Variants in ADAM15 observed in about 807,000 individuals in gnomAD.
The protein encoded by ADAM15 is disintegrin and metalloproteinase domain-containing protein 15.
A neutral mutation model predicts 113.8 loss-of-function variants in ADAM15; 77 were observed. That is an observed-to-expected ratio of 0.68 (90% CI 0.56 to 0.82). ADAM15 has a LOEUF of 0.82. Ranked by LOEUF, ADAM15 falls within the 40% of genes least tolerant of loss-of-function variation. The pLI is 0.00. For synonymous variants in ADAM15, 388 were observed against 454.1 expected, an observed-to-expected ratio of 0.85 and a Z score of 1.85; for missense variants, 963 against 1,120.1, an observed-to-expected ratio of 0.86 and a Z score of 2.00.
chr1:155,057,454 C>G lies in ADAM15; in HGVS notation c.1323+92C>G, dbSNP rs1661922029. The G allele has an allele frequency of 8.4e-6, 13 of 1,555,758 alleles. No homozygotes were observed. Among genetic ancestry groups the G allele is most frequent in the Non-Finnish European group, 1.1e-5 (13 of 1,140,278 alleles). On this transcript the variant is annotated intron_variant, in intron 12 of 22. Coordinates refer to ENST00000356955, the MANE Select transcript of ADAM15 (RefSeq NM_207197.3). The surrounding 1 kb of genome is among the most constrained non-coding windows in gnomAD (Gnocchi z 5.0). ...TCCCAGCCTCCTGAGCTCTTGGGTT[C>G]TGAAGGGACTTTCCACCCCTCTCCT...
At position 155,058,332 on chromosome 1, in the gene ADAM15, T is replaced by C. The variant is rs776120235; in HGVS notation, c.1808T>C (p.Ile603Thr). The C allele has an allele frequency of 3.7e-5, 60 of 1,613,788 alleles. No homozygotes were observed. Among genetic ancestry groups the C allele is most frequent in the Non-Finnish European group, 5.0e-5 (59 of 1,180,010 alleles). ...GSIRDLLWET[I>T]DVNGTELNCS... The stretch of plus-strand genomic sequence containing the variant: ...ATCCGGGATCTACTCTGGGAGACAA[T>C]AGATGTGAATGGGACTGAGCTGAAC... The change falls in exon 15 of 23, where the codon ATA (isoleucine) becomes ACA (threonine). Residue 603 changes from isoleucine (I) to threonine (T), a missense_variant. Coordinates refer to ENST00000356955, the MANE Select transcript of ADAM15 (RefSeq NM_207197.3). This position sits in a 1 kb window ranked among gnomAD's most constrained non-coding sequence, Gnocchi z 4.3.
Position 155,060,194 on chromosome 1 carries a change from TC to T in ADAM15, c.2069-9del, listed in dbSNP as rs536955573. 5,283 of 1,613,482 alleles carry T rather than the reference TC, an allele frequency of 3.3e-3. 15 individuals carry two copies. The highest frequency in any genetic ancestry group is 3.8e-3 in the Non-Finnish European group (4,479 of 1,179,584). ...GCCCCGTCCTCCCTTAAACCTGACT[TC>T]CGCCCACAGCAACCAGCTCCCTGAC... On this transcript the variant is annotated splice_polypyrimidine_tract_variant and intron_variant, in intron 17 of 22. Transcript: ENST00000356955.
At position 155,056,546 on chromosome 1, in the gene ADAM15, C is replaced by T; in HGVS notation, c.999+76C>T. ...TGTGGTGGCATTTATGCACTGAAACCCCCCTATAAAGTTGCCCAACCCCAA... is the reference window on the plus strand; with the variant it reads ...TGTGGTGGCATTTATGCACTGAAACTCCCCTATAAAGTTGCCCAACCCCAA... On this transcript the variant is annotated intron_variant, in intron 10 of 22. Transcript: ENST00000356955. The surrounding 1 kb of genome is among the most constrained non-coding windows in gnomAD (Gnocchi z 4.0). The T allele has an allele frequency of 1.4e-6, 2 of 1,456,248 alleles. No individual in the cohort carries two copies. The highest frequency in any genetic ancestry group is 1.9e-6 in the Non-Finnish European group (2 of 1,051,076). The allele number at this position is 1,456,248 out of a possible 1,614,324, so 90.2% of individuals were successfully genotyped here. A position where few individuals can be genotyped will look rare whatever the true frequency, so the allele number is the denominator to read the frequency against.
At position 155,055,932 on chromosome 1, in the gene ADAM15, GC is replaced by G. The variant is rs1458052967; in HGVS notation, c.679del (p.Gln227ArgfsTer10). 2 of 1,614,020 alleles carry G rather than the reference GC, an allele frequency of 1.2e-6. No homozygotes were observed. Among genetic ancestry groups the G allele is most frequent in the Non-Finnish European group, 1.7e-6 (2 of 1,180,028 alleles). ...TCATGTCACCTCTCTTGGCCTACAGGCCCAGAAATACCGGGACTTCCAGCAC... is the reference window on the plus strand; with the variant it reads ...TCATGTCACCTCTCTTGGCCTACAGGCCAGAAATACCGGGACTTCCAGCAC... ...ELVIVADHSE[A>X]QKYRDFQHLL... On this transcript the variant is annotated frameshift_variant and splice_region_variant, in exon 8 of 23. Coordinates refer to ENST00000356955, the MANE Select transcript of ADAM15 (RefSeq NM_207197.3). LOFTEE classifies it high-confidence loss of function.
rs961355522 is a variant in ADAM15, at chr1:155,051,332, C to G, written c.-55C>G. ...CGAGGCGACCTGGCCGCCGGCCGCT[C>G]CTCCGCGCGCTGTTCCGCACTTGCT... On this transcript the variant is annotated 5_prime_UTR_variant, in exon 1 of 23. Coordinates refer to ENST00000356955, the MANE Select transcript of ADAM15 (RefSeq NM_207197.3). 37 of 1,329,744 alleles carry G rather than the reference C, an allele frequency of 2.8e-5. No homozygotes were observed. The highest frequency in any genetic ancestry group is 3.3e-5 in the Non-Finnish European group (34 of 1,029,832). 82.4% of individuals were successfully genotyped at this position (1,329,744 alleles called of 1,614,324 possible). A position where few individuals can be genotyped will look rare whatever the true frequency, so the allele number is the denominator to read the frequency against.
chr1:155,060,893 TGG>T, intron 19 of ADAM15, 61 bp downstream of exon 19: 1 of 1,501,720 alleles, frequency 6.7e-7, no homozygotes, highest in Non-Finnish European at 9.2e-7. Context: ...GCTTGGGCCC[TGG>T]GGGGTGCGCA....
At chr1:155,053,306 C>A (rs759682634) in intron 2 of ADAM15, 111 bp from the exon 3 acceptor site, 8 of 968,256 alleles carry the variant, frequency 8.3e-6, no homozygotes, top group South Asian at 6.6e-5. Flanking sequence ...GGGATCCCCC[C>A]ACCAGTGATC....
chr1:155,052,524 C>G (rs1423269811), intron 1 of ADAM15, 147 bp from the exon 2 acceptor site: 4 of 1,546,118 alleles, frequency 2.6e-6, no homozygotes, highest in Non-Finnish European at 3.5e-6. Context: ...CAGTATTCTT[C>G]TTTAAGTCTC....
chr1:155,051,593 G>C (rs1044198737), intron 1 of ADAM15, 128 bp downstream of exon 1: 1 of 893,142 alleles, frequency 1.1e-6, no homozygotes, highest in Non-Finnish European at 1.6e-6. Flanking sequence ...GGCCCGCCCT[G>C]GTCCGCTGTC....
chr1:155,055,443 G>A, intron 6 of ADAM15: 1 of 314,436 alleles, frequency 3.2e-6, no homozygotes, highest in Non-Finnish European at 6.2e-6. Context: ...ATCCAGGATG[G>A]TCTCGATCTC....
chr1:155,054,694 T>C (rs1457981917), intron 6 of ADAM15, among the ~76,000 whole-genome samples, 188 bp downstream of exon 6: 1 of 152,126 alleles, frequency 6.6e-6, no homozygotes, highest in Non-Finnish European at 1.5e-5. Flanking sequence ...AATAGCTCTA[T>C]TTTAAAATGA....
chr1:155,056,306 C>T lies in ADAM15; in HGVS notation c.914+57C>T. On this transcript the variant is annotated intron_variant, in intron 9 of 22. Coordinates refer to ENST00000356955, the MANE Select transcript of ADAM15 (RefSeq NM_207197.3). This position sits in a 1 kb window ranked among gnomAD's most constrained non-coding sequence, Gnocchi z 4.0. ...GTCCTGTCCTGGCCAAATTCACACC[C>T]CTTCAGCACCCTACCTCAGCCCCTG... is the stretch of plus-strand genomic sequence containing the variant. The T allele has an allele frequency of 3.1e-6, 5 of 1,610,984 alleles. No individual in the cohort carries two copies. The highest frequency in any genetic ancestry group is 4.2e-6 in the Non-Finnish European group (5 of 1,177,754).
At position 155,057,732 on chromosome 1, in the gene ADAM15, G is replaced by A. The variant is rs1217219808; in HGVS notation, c.1416+3G>A. 1.2e-6 allele frequency: 2 copies of A among 1,614,210 alleles called. No individual in the cohort carries two copies. Among genetic ancestry groups the A allele is most frequent in the Non-Finnish European group, 8.5e-7 (1 of 1,180,028 alleles). On this transcript the variant is annotated splice_donor_region_variant and intron_variant, in intron 13 of 22. Coordinates refer to ENST00000356955, the MANE Select transcript of ADAM15 (RefSeq NM_207197.3). This position sits in a 1 kb window ranked among gnomAD's most constrained non-coding sequence, Gnocchi z 5.0. ...GACCCTGTTGTCAAAATTGCCAGGT[G>A]GGTAGAGACTAGACTGGCCACCCGG... is the stretch of plus-strand genomic sequence containing the variant.
chr1:155,060,254 G>T lies in ADAM15; in HGVS notation c.2118G>T (p.Leu706Phe). 6.2e-7 allele frequency: 1 copy of T among 1,614,066 alleles called. No homozygotes were observed. The highest frequency in any genetic ancestry group is 8.5e-7 in the Non-Finnish European group (1 of 1,179,992). ...TGCTCCTCAGCCTCCTGGTCTTATT[G>T]GTCCTGGTGATGCTTGGTGCCAGCT... ...TGLLLSLLVLLVLVMLGASYW... is the reference protein window; with the variant it reads ...TGLLLSLLVLFVLVMLGASYW... The change falls in exon 18 of 23, where the codon TTG becomes TTT. Residue 706 changes from leucine (L) to phenylalanine (F), a missense_variant. By Grantham distance (22) the Leu-to-Phe change is conservative (BLOSUM62 0). Transcript: ENST00000356955.
In ADAM15 at chr1:155,058,593, C is replaced by T; in HGVS notation, c.1918-117C>T. 1.3e-6 allele frequency: 2 copies of T among 1,553,188 alleles called. No homozygotes were observed. Among genetic ancestry groups the T allele is most frequent in the Non-Finnish European group, 1.7e-6 (2 of 1,149,206 alleles). On this transcript the variant is annotated intron_variant, in intron 15 of 22. Transcript: ENST00000356955. This position sits in a 1 kb window ranked among gnomAD's most constrained non-coding sequence, Gnocchi z 4.3. ...CAGATGGAGCAAAGTCCTATCAACT[C>T]ACTATGCCTTGGTTTCCCCATCTGT...
At chr1:155,055,535 T>G (rs150578376) in intron 6 of ADAM15, 101 of 528,076 alleles carry the variant, frequency 1.9e-4, no homozygotes, top group African/African-American at 1.8e-3. Context: ...TAAATTACTG[T>G]TTTTTAAAAA....
rs748554177 is a variant in ADAM15 at position 155,057,651 on chromosome 1, C to T, written c.1338C>T (p.Pro446=). 3 of 1,614,214 alleles carry T rather than the reference C, an allele frequency of 1.9e-6. No individual in the cohort carries two copies. The highest frequency in any genetic ancestry group is 2.2e-5 in the East Asian group (1 of 44,888). The part of the protein sequence containing the change: ...DCGFLDDCVD[P]CCDSLTCQLR... ...CCTGCCCACAGGACTGCGTCGATCCCTGCTGTGATTCTTTGACCTGCCAGC... is the reference window on the plus strand; with the variant it reads ...CCTGCCCACAGGACTGCGTCGATCCTTGCTGTGATTCTTTGACCTGCCAGC... The change falls in exon 13 of 23, where the codon CCC becomes CCT. Residue 446 remains proline (P), a synonymous_variant. Transcript: ENST00000356955. This position sits in a 1 kb window ranked among gnomAD's most constrained non-coding sequence, Gnocchi z 5.0.
chr1:155,052,952 C>G (rs1363846074), intron 2 of ADAM15, among the ~76,000 whole-genome samples, 175 bp downstream of exon 2: 1 of 152,182 alleles, frequency 6.6e-6, no homozygotes, highest in African/African-American at 2.4e-5. Context: ...TCACTTATCT[C>G]CCTCTCCCTC....
intron 6 of ADAM15, chr1:155,055,465 A>G (rs1661630424): frequency 5.7e-6 from 2 of 350,204 alleles, no homozygotes; most frequent in African/African-American, 2.1e-5. Context: ...TGACCTCATG[A>G]TCCACCCGCC....
Sources: allele counts gnomAD v4.1 joint callset (sites outside exome capture counted in the v4.1 genomes callset), GRCh38; gene constraint gnomAD v4.1.1; non-coding constraint Gnocchi (gnomAD v3.1); transcripts MANE v1.5; gene names NCBI Gene and HGNC (gene_info 2026-07-23, HGNC 2026-07-21).